Variants in SYNRG observed in about 807,000 individuals in gnomAD.
SYNRG encodes the protein synergin gamma.
Under a neutral mutation model 130.9 loss-of-function variants are expected in SYNRG, and 37 were observed. The observed-to-expected ratio is 0.28, with a 90% CI of 0.22 to 0.37. The LOEUF is 0.37. SYNRG is among the 10% of genes least tolerant of loss of function. The pLI is 1.00. For synonymous variants in SYNRG, 539 were observed against 568.1 expected (o/e 0.95, Z 0.73); for missense variants, 1,338 against 1,588.9 (o/e 0.84, Z 2.68).
intron 1 of SYNRG, among the ~76,000 whole-genome samples, chr17:37,605,311 T>C (rs1420766493): frequency 6.6e-6 from 1 of 152,220 alleles, no homozygotes; most frequent in Non-Finnish European, 1.5e-5. Context: ...ACATTTAAAT[T>C]AGTCATATGG....
chr17:37,528,466 A>T (rs2056222826), intron 19 of SYNRG, among the ~76,000 whole-genome samples: 1 of 152,180 alleles, frequency 6.6e-6, no homozygotes, highest in South Asian at 2.1e-4. Flanking sequence ...AGTAGTAGTA[A>T]TAATAGTAAT....
At position 37,541,995 on chromosome 17, in the gene SYNRG, G is replaced by GC; in HGVS notation, c.3178dup (p.Ala1060GlyfsTer4). 6.2e-7 allele frequency: 1 copy of GC among 1,613,998 alleles called. No individual in the cohort carries two copies. The highest frequency in any genetic ancestry group is 8.5e-7 in the Non-Finnish European group (1 of 1,179,850). On this transcript the variant is annotated frameshift_variant, in exon 15 of 22. Coordinates refer to ENST00000612223, the MANE Select transcript of SYNRG (RefSeq NM_007247.6). LOFTEE classifies it high-confidence loss of function. ...ACCTTGAACAGAAAGGTCAAAGGTTGCCAGCTCACTTTTGATCATTTCTTC... is the reference window on the plus strand; with the variant it reads ...ACCTTGAACAGAAAGGTCAAAGGTTGCCCAGCTCACTTTTGATCATTTCTTC...
chr17:37,537,886 C>T (rs1045078766), intron 18 of SYNRG, among the ~76,000 whole-genome samples: 3 of 152,074 alleles, frequency 2.0e-5, no homozygotes, highest in African/African-American at 2.4e-5. Flanking sequence ...GGAGGAACAC[C>T]GAAGTGGACA....
intron 1 of SYNRG, among the ~76,000 whole-genome samples, chr17:37,608,978 T>C (rs540308541): frequency 9.1e-4 from 132 of 144,368 alleles, no homozygotes; most frequent in African/African-American, 3.2e-3. Flanking sequence ...CGGTTCCTGA[T>C]TTGCCCCGCC....
In SYNRG at chr17:37,552,451, C is replaced by G. The variant is rs373856594; in HGVS notation, c.2608+664G>C. Among the ~76,000 whole-genome samples, 11 of 152,230 alleles carry G rather than the reference C, an allele frequency of 7.2e-5. No individual in the cohort carries two copies. The East Asian group carries it at 1.2e-3, about 16-fold the overall frequency. On this transcript the variant is annotated intron_variant, in intron 14 of 21. Transcript: ENST00000612223. ...TCAGAAAGTTAGCAGTTACCCTATC[C>G]TAGCATCTACAGATTTGTTACAACT...
At chr17:37,600,612 G>A (rs2063186749) in intron 1 of SYNRG, 2 of 685,728 alleles carry the variant, frequency 2.9e-6, no homozygotes, top group Non-Finnish European at 5.4e-6. Flanking sequence ...TGAAACAAAA[G>A]ACAGAAGACC....
rs748776186 is a variant in SYNRG, at chr17:37,570,799, C to G, written c.1185G>C (p.Leu395=). The change falls in exon 10 of 22, where the codon CTG becomes CTC. Residue 395 remains leucine, a synonymous_variant. Coordinates refer to ENST00000612223, the MANE Select transcript of SYNRG (RefSeq NM_007247.6). The stretch of plus-strand genomic sequence containing the variant: ...CAGTTGGCTGACTCACCGGTGTAGG[C>G]AGAGTCATAGAAAAGCCACTTAAAG... ...IPTLSGFSMT[L]PTPVSQPTVI... 1 of 1,614,076 alleles carries G rather than the reference C, an allele frequency of 6.2e-7. No individual in the cohort carries two copies. The highest frequency in any genetic ancestry group is 8.5e-7 in the Non-Finnish European group (1 of 1,180,052).
In SYNRG at chr17:37,553,874, G is replaced by C; in HGVS notation, c.1849C>G (p.Leu617Val). The C allele has an allele frequency of 6.2e-7, 1 of 1,610,542 alleles. No homozygotes were observed. The highest frequency in any genetic ancestry group is 1.1e-5 in the South Asian group (1 of 90,148). The change falls in exon 14 of 22, where the codon CTA (leucine) becomes GTA (valine). Residue 617 changes from leucine to valine, a missense_variant. Coordinates refer to ENST00000612223, the MANE Select transcript of SYNRG (RefSeq NM_007247.6). The stretch of plus-strand genomic sequence containing the variant: ...CAATTAACTGAGGAAAACATATCTA[G>C]GTCTGCTAAGTTCAGAGGGTTTTTC... Reference protein sequence around the residue: ...QVKNPLNLADLDMFSSVNCSS... With the variant: ...QVKNPLNLADVDMFSSVNCSS...
intron 2 of SYNRG, among the ~76,000 whole-genome samples, chr17:37,597,263 C>T (rs191918757): frequency 6.6e-6 from 1 of 152,208 alleles, no homozygotes. Context: ...TGACTGCAAG[C>T]CTGGCTGACA....
In SYNRG at chr17:37,518,699, A is replaced by G. The variant is rs1425609347; in HGVS notation, c.*241T>C. 1 of 433,932 alleles carries G rather than the reference A, an allele frequency of 2.3e-6. No homozygotes were observed. The highest frequency in any genetic ancestry group is 4.1e-6 in the Non-Finnish European group (1 of 246,742). 26.9% of individuals were successfully genotyped at this position (433,932 alleles called of 1,614,324 possible). A position where few individuals can be genotyped will look rare whatever the true frequency, so the allele number is the denominator to read the frequency against. On this transcript the variant is annotated 3_prime_UTR_variant, in exon 22 of 22. Transcript: ENST00000612223. ...TCAAGAAAGCCGTGGTCCGTATTTC[A>G]GAAAATCTTAAGTAGAGATAAGTGA... is the stretch of plus-strand genomic sequence containing the variant.
At position 37,515,660 on chromosome 17, in the gene SYNRG, T is replaced by C. The variant is rs1251215026; in HGVS notation, c.*3280A>G. 1 of 152,274 alleles carries C rather than the reference T, an allele frequency of 6.6e-6. No individual in the cohort carries two copies. Among genetic ancestry groups the C allele is most frequent in the South Asian group, 2.1e-4 (1 of 4,836 alleles). The allele number at this position is 152,274 out of a possible 1,614,324, so 9.4% of individuals were successfully genotyped here. ...TTTTAGTAGAGACAGGGTCTCGCCA[T>C]GTTGGCCAGGCTGGTCTTGAACTCC... On this transcript the variant is annotated 3_prime_UTR_variant, in exon 22 of 22. Transcript: ENST00000612223.
At chr17:37,601,675 A>AT (rs1568551866) in intron 1 of SYNRG, among the ~76,000 whole-genome samples, 2 of 151,704 alleles carry the variant, frequency 1.3e-5, no homozygotes. Context: ...TTTTTATTTT[A>AT]TTTTTTTGAG....
chr17:37,594,904 A>G (rs1322610067), intron 3 of SYNRG, among the ~76,000 whole-genome samples: 3 of 152,246 alleles, frequency 2.0e-5, no homozygotes, highest in Non-Finnish European at 4.4e-5. Context: ...TGTTAGCTTT[A>G]AAAGACATCA....
chr17:37,609,361 TC>T lies in SYNRG; in HGVS notation c.-7del. 2.8e-6 allele frequency: 4 copies of T among 1,432,078 alleles called. No individual in the cohort carries two copies. The highest frequency in any genetic ancestry group is 3.6e-6 in the Non-Finnish European group (4 of 1,098,402). 88.7% of individuals were successfully genotyped at this position (1,432,078 alleles called of 1,614,324 possible). A position where few individuals can be genotyped will look rare whatever the true frequency, so the allele number is the denominator to read the frequency against. ...GCTCCTGGCCGCAGCGCCATCTTGC[TC>T]CCGACCTGCCGCTGCCTTCGCCGCC... On this transcript the variant is annotated 5_prime_UTR_variant, in exon 1 of 22. Coordinates refer to ENST00000612223, the MANE Select transcript of SYNRG (RefSeq NM_007247.6).
chr17:37,587,077 T>A (rs1264727226), intron 3 of SYNRG, among the ~76,000 whole-genome samples: 1 of 152,190 alleles, frequency 6.6e-6, no homozygotes, highest in African/African-American at 2.4e-5. Flanking sequence ...CAATAAAAAA[T>A]TACATAATAT....
intron 2 of SYNRG, among the ~76,000 whole-genome samples, chr17:37,597,217 G>A (rs762461158): frequency 5.9e-5 from 9 of 152,140 alleles, no homozygotes; most frequent in African/African-American, 1.2e-4. Context: ...CTATCTCAGC[G>A]AGCCACCTCG....
chr17:37,521,238 C>T (rs1447447994), intron 19 of SYNRG, among the ~76,000 whole-genome samples: 1 of 152,020 alleles, frequency 6.6e-6, no homozygotes, highest in Non-Finnish European at 1.5e-5. Context: ...CCATGTTGGT[C>T]AGGCTGGTCT....
chr17:37,574,069 G>A (rs925282283), intron 8 of SYNRG, among the ~76,000 whole-genome samples: 1 of 152,036 alleles, frequency 6.6e-6, no homozygotes, highest in African/African-American at 2.4e-5. Context: ...CAGACACAGA[G>A]ACCAATGGAA....
intron 1 of SYNRG, among the ~76,000 whole-genome samples, chr17:37,602,337 CAA>C (rs762080161): frequency 3.2e-5 from 3 of 94,274 alleles, no homozygotes; most frequent in African/African-American, 4.0e-5. Context: ...AACTCCGTTT[CAA>C]AAAAAAAAAA....
Sources: gnomAD v4.1 joint callset for allele counts (sites outside exome capture counted in the v4.1 genomes callset) on GRCh38, gnomAD v4.1.1 for gene constraint, MANE v1.5 for transcripts, NCBI Gene and HGNC (gene_info 2026-07-23, HGNC 2026-07-21) for gene names.